ZNF676: variants seen among roughly 807,000 people sequenced by gnomAD.
The protein encoded by ZNF676 is zinc finger protein 676.
Under a neutral mutation model 6.0 loss-of-function variants are expected in ZNF676, and 4 were observed. That is an observed-to-expected ratio of 0.67 (90% CI 0.33 to 1.53). The LOEUF (loss-of-function observed/expected upper bound fraction) is 1.53, where lower values mean the gene tolerates loss of function less well. Among genes scored for constraint, ZNF676 ranks in the 40% most tolerant of loss-of-function variants. ZNF676 has a pLI of 0.06. For missense variants in ZNF676, 644 were observed against 679.7 expected, an observed-to-expected ratio of 0.95 and a Z score of 0.58; for synonymous variants, 198 against 223.1, an observed-to-expected ratio of 0.89 and a Z score of 1.00.
chr19:22,181,715 A>G (rs1481272583), intron 2 of ZNF676, 129 bp from the exon 3 acceptor site: 1 of 638,976 alleles, frequency 1.6e-6, no homozygotes, highest in African/African-American at 1.8e-5. Flanking sequence ...ACAGGCCCTA[A>G]TTCTTCATAG....
chr19:22,212,974 G>A (rs541322708), intron 1 of ZNF676, among the ~76,000 whole-genome samples: 13 of 152,048 alleles, frequency 8.5e-5, no homozygotes, highest in Admixed American at 3.3e-4. Flanking sequence ...CAGCCTGGGC[G>A]ACAGAGGGAG....
upstream of ZNF676, among the ~76,000 whole-genome samples, chr19:22,199,438 CAT>C (rs770938680): frequency 5.0e-4 from 76 of 152,306 alleles, no homozygotes; most frequent in Non-Finnish European, 9.4e-4. Context: ...AACGTGTGCA[CAT>C]GTACTAATGC....
At chr19:22,242,800 A>G in the ZNF676 span, among the ~76,000 whole-genome samples, 1 of 150,928 alleles carries the variant, frequency 6.6e-6, no homozygotes, top group African/African-American at 2.4e-5. Flanking sequence ...AGAGTCAGGT[A>G]ACCTAGAAAC....
At chr19:22,222,884 G>T in the ZNF676 span, among the ~76,000 whole-genome samples, 2 of 152,194 alleles carry the variant, frequency 1.3e-5, no homozygotes, top group African/African-American at 4.8e-5. Context: ...AGTTGTTGCA[G>T]TCAGATCTGC....
the ZNF676 span, among the ~76,000 whole-genome samples, chr19:22,256,647 T>G: frequency 3.3e-5 from 5 of 152,090 alleles, no homozygotes; most frequent in Non-Finnish European, 7.4e-5. Flanking sequence ...CTATCCCCTA[T>G]GTGTTGAGTC....
At chr19:22,200,515 A>ATTT (rs3035052), upstream of ZNF676, among the ~76,000 whole-genome samples, 406 of 105,816 alleles carry the variant, frequency 3.8e-3, 27 homozygotes, top group African/African-American at 0.011. Context: ...TGCTTCATCA[A>ATTT]TTTTTTTTTT....
chr19:22,181,331 T>C lies in ZNF676; in HGVS notation c.386A>G (p.Asn129Ser). The change falls in exon 3 of 3, where the codon AAC becomes AGC. Residue 129 changes from asparagine to serine, a missense_variant. By Grantham distance (46) the Asn-to-Ser change is conservative (BLOSUM62 1). Coordinates refer to ENST00000397121, the MANE Select transcript of ZNF676 (RefSeq NM_001001411.3). ...TCCAGTATGCCTTATCTTATGTCTG[T>C]TTGAATTTGAACATTTATGAAAGAC... ...ANVFHKCSNS[N>S]RHKIRHTGEK... The C allele has an allele frequency of 3.1e-6, 5 of 1,613,754 alleles. No homozygotes were observed. Among genetic ancestry groups the C allele is most frequent in the Non-Finnish European group, 4.2e-6 (5 of 1,179,756 alleles).
intron 1 of ZNF676, among the ~76,000 whole-genome samples, chr19:22,205,292 A>G (rs1398286691): frequency 1.3e-5 from 2 of 152,192 alleles, no homozygotes; most frequent in Non-Finnish European, 1.5e-5. Flanking sequence ...TCAACACCTG[A>G]CCAAATAAAT....
the ZNF676 span, among the ~76,000 whole-genome samples, chr19:22,250,702 A>G: frequency 6.6e-6 from 1 of 151,658 alleles, no homozygotes; most frequent in Admixed American, 6.6e-5. Flanking sequence ...ATGGTAAGTA[A>G]GGAATGTCAT....
chr19:22,193,585 T>C lies in ZNF676; in HGVS notation c.35-474A>G, dbSNP rs572252848. ...TAATTTCTTCCTCCAACAGCGCCTATTGAAAATAATGAGCAGGAGAAAGGG... is the reference window on the plus strand; with the variant it reads ...TAATTTCTTCCTCCAACAGCGCCTACTGAAAATAATGAGCAGGAGAAAGGG... On this transcript the variant is annotated intron_variant, in intron 1 of 2. Coordinates refer to ENST00000397121, the MANE Select transcript of ZNF676 (RefSeq NM_001001411.3). 3.9e-4 allele frequency among the ~76,000 whole-genome samples: 60 copies of C among 152,148 alleles called. No individual in the cohort carries two copies. The South Asian group carries it at 0.011, about 27-fold the overall frequency.
rs2144774286 is a variant in ZNF676, at chr19:22,196,838, ATGAC to A, written c.-209_-206del. On this transcript the variant is annotated 5_prime_UTR_variant, in exon 1 of 3. An upstream open reading frame in the 5' UTR loses its in-frame stop. Transcript: ENST00000397121. Reference sequence around the variant, plus strand: ...AGAGAGCTGGTTCTGACTTATATGAATGACTGAAATTATTCAATAAAATAGTTTT... The same window carrying A: ...AGAGAGCTGGTTCTGACTTATATGAATGAAATTATTCAATAAAATAGTTTT... 4.1e-6 allele frequency: 4 copies of A among 969,512 alleles called. No individual in the cohort carries two copies. The East Asian group carries it at 9.7e-5, about 23-fold the overall frequency. 60.1% of individuals were successfully genotyped at this position (969,512 alleles called of 1,614,324 possible).
chr19:22,226,850 C>T, the ZNF676 span, among the ~76,000 whole-genome samples: 3 of 152,050 alleles, frequency 2.0e-5, no homozygotes, highest in Admixed American at 6.6e-5. Flanking sequence ...CCACCTGCCT[C>T]GGCCTCCCAA....
intron 1 of ZNF676, chr19:22,204,031 G>A (rs948381102): frequency 2.0e-5 from 3 of 152,176 alleles, no homozygotes; most frequent in Non-Finnish European, 4.4e-5. Flanking sequence ...ATCTGACTGT[G>A]TTAATATAGT....
chr19:22,195,249 AAACT>A (rs1461416079), intron 1 of ZNF676, among the ~76,000 whole-genome samples: 3 of 152,172 alleles, frequency 2.0e-5, no homozygotes, highest in African/African-American at 7.2e-5. Flanking sequence ...TGTGTAGTAC[AAACT>A]AAAGGAAAGA....
upstream of ZNF676, among the ~76,000 whole-genome samples, chr19:22,198,118 TAGACATAATAAAGA>T (rs2023989114): frequency 6.6e-6 from 1 of 152,156 alleles, no homozygotes; most frequent in Admixed American, 6.6e-5. Flanking sequence ...TTGTACTGCA[TAGACATAATAAAGA>T]ACACAGATGA....
chr19:22,214,874 CTAAAAAATACCAAAAAA>C (rs1456578723), intron 1 of ZNF676, among the ~76,000 whole-genome samples: 1 of 151,352 alleles, frequency 6.6e-6, no homozygotes, highest in Non-Finnish European at 1.5e-5. Flanking sequence ...TCCGTCTCTA[CTAAAAAATACCAAAAAA>C]TTAGCCGGGG....
In ZNF676 at chr19:22,181,423, A is replaced by T. The variant is rs1438020141; in HGVS notation, c.294T>A (p.Tyr98Ter). 1 of 1,613,612 alleles carries T rather than the reference A, an allele frequency of 6.2e-7. No homozygotes were observed. Among genetic ancestry groups the T allele is most frequent in the African/African-American group, 1.3e-5 (1 of 74,918 alleles). Reference sequence around the variant, plus strand: ...TTGTTAAACTCTGGTTAAGTTTATTATAACCTTCTTTGTGCACGTTACACT... The same window carrying T: ...TTGTTAAACTCTGGTTAAGTTTATTTTAACCTTCTTTGTGCACGTTACACT... ...VDECNVHKEG[Y>*]NKLNQSLTTT... Residue 98 changes from tyrosine (Y) to a stop codon, truncating the protein, a stop_gained, in exon 3 of 3, where the codon TAT becomes TAA. Transcript: ENST00000397121. LOFTEE classifies it low-confidence loss of function (END_TRUNC).
the ZNF676 span, among the ~76,000 whole-genome samples, chr19:22,222,285 T>C: frequency 7.2e-5 from 11 of 152,226 alleles, 1 homozygote; most frequent in South Asian, 1.9e-3. Flanking sequence ...TTGTGTTTTT[T>C]AGTAGAAACA....
chr19:22,211,485 A>G (rs1180668457), intron 1 of ZNF676, among the ~76,000 whole-genome samples: 5 of 152,230 alleles, frequency 3.3e-5, no homozygotes, highest in Admixed American at 1.3e-4. Flanking sequence ...ATTCAAAAAC[A>G]GTGTTCATAT....
Sources: allele counts gnomAD v4.1 joint callset (sites outside exome capture counted in the v4.1 genomes callset), GRCh38; gene constraint gnomAD v4.1.1; transcripts MANE v1.5; gene names NCBI Gene and HGNC (gene_info 2026-07-23, HGNC 2026-07-21).